The following BNC2 variants were observed in gnomAD, a reference collection of about 807,000 sequenced individuals.
BNC2 encodes the protein basonuclin zinc finger protein 2, also known as zinc finger protein basonuclin-2.
BNC2 carries 20 observed loss-of-function variants against 76.3 expected under a neutral mutation model. That is an observed-to-expected ratio of 0.26 (90% CI 0.18 to 0.38). The LOEUF (loss-of-function observed/expected upper bound fraction) is 0.38, where lower values mean the gene tolerates loss of function less well. Among genes scored for constraint, BNC2 ranks in the 10% least tolerant of loss-of-function variants. The pLI is 1.00. For missense variants in BNC2, 1,382 were observed against 1,399.8 expected, an observed-to-expected ratio of 0.99 and a Z score of 0.20; for synonymous variants, 582 against 514.8, an observed-to-expected ratio of 1.13 and a Z score of -1.77.
At chr9:16,724,146 G>T (rs1388674147) in intron 3 of BNC2, among the ~76,000 whole-genome samples, 1 of 151,814 alleles carries the variant, frequency 6.6e-6, no homozygotes, top group Non-Finnish European at 1.5e-5. Context: ...AATAATAAAA[G>T]GTAAATGTCT....
chr9:16,822,387 G>C (rs918275941), intron 1 of BNC2, among the ~76,000 whole-genome samples: 2 of 152,090 alleles, frequency 1.3e-5, no homozygotes, highest in South Asian at 2.1e-4. Context: ...ACTTGCCCAC[G>C]GTCAGAGATC....
chr9:16,615,704 T>C (rs1820677149), intron 3 of BNC2, among the ~76,000 whole-genome samples: 2 of 152,212 alleles, frequency 1.3e-5, no homozygotes, highest in South Asian at 4.1e-4. Context: ...ACATAAAATT[T>C]ATATTAAATA....
At chr9:16,611,807 T>C (rs543895255) in intron 3 of BNC2, among the ~76,000 whole-genome samples, 23 of 136,282 alleles carry the variant, frequency 1.7e-4, no homozygotes, top group Non-Finnish European at 3.3e-4. Flanking sequence ...ACCTGCAGAG[T>C]AAAGGAACAA....
At chr9:16,617,292 T>C (rs891930515) in intron 3 of BNC2, among the ~76,000 whole-genome samples, 3 of 152,290 alleles carry the variant, frequency 2.0e-5, no homozygotes, top group African/African-American at 2.4e-5. Flanking sequence ...CACATGTAAA[T>C]TGAAAATTAA....
Position 16,412,752 on chromosome 9 carries a change from A to G in BNC2, c.*6237T>C, listed in dbSNP as rs1317277982. On this transcript the variant is annotated 3_prime_UTR_variant, in exon 7 of 7. Coordinates refer to ENST00000380672, the MANE Select transcript of BNC2 (RefSeq NM_017637.6). ...GAGAGAGAGAGAGAGAGAGAGAGAG[A>G]GAGAGAGAGAGAGACTGACTGATTG... is the stretch of plus-strand genomic sequence containing the variant. 1 of 133,604 alleles carries G rather than the reference A, an allele frequency of 7.5e-6. No homozygotes were observed. Among genetic ancestry groups the G allele is most frequent in the Non-Finnish European group, 1.6e-5 (1 of 64,154 alleles). The allele number at this position is 133,604 out of a possible 1,614,324, so 8.3% of individuals were successfully genotyped here. A position where few individuals can be genotyped will look rare whatever the true frequency, so the allele number is the denominator to read the frequency against.
chr9:16,669,116 G>A (rs12344619), intron 3 of BNC2, among the ~76,000 whole-genome samples: 7,644 of 152,236 alleles, frequency 0.05, 238 homozygotes, highest in East Asian at 0.1. Context: ...CAGCCACTCA[G>A]AAACCACATT....
chr9:16,609,083 G>A (rs1415577643), intron 3 of BNC2, among the ~76,000 whole-genome samples: 2 of 152,086 alleles, frequency 1.3e-5, no homozygotes, highest in Non-Finnish European at 2.9e-5. Context: ...TGAATGAAAG[G>A]GGATACAGCA....
chr9:16,630,949 G>C (rs1821145052), intron 3 of BNC2, among the ~76,000 whole-genome samples: 1 of 151,994 alleles, frequency 6.6e-6, no homozygotes, highest in Non-Finnish European at 1.5e-5. Flanking sequence ...ACGTTGGTCA[G>C]GCTGGTCTCG....
At chr9:16,639,075 A>AT (rs1194016408) in intron 3 of BNC2, among the ~76,000 whole-genome samples, 1 of 152,152 alleles carries the variant, frequency 6.6e-6, no homozygotes, top group Non-Finnish European at 1.5e-5. Context: ...GTAATAGGCT[A>AT]TTTTCCCTCA....
intron 6 of BNC2, among the ~76,000 whole-genome samples, chr9:16,426,502 G>A (rs1383498709): frequency 1.3e-5 from 2 of 152,118 alleles, no homozygotes; most frequent in Non-Finnish European, 2.9e-5. Flanking sequence ...AAAGGTAACA[G>A]TCAGGATGCA....
At chr9:16,869,768 AG>A (rs1402179273) in intron 1 of BNC2, among the ~76,000 whole-genome samples, 1 of 152,154 alleles carries the variant, frequency 6.6e-6, no homozygotes, top group Non-Finnish European at 1.5e-5. Context: ...CTTCTCGTAG[AG>A]GGGCTGTGCT....
intron 5 of BNC2, among the ~76,000 whole-genome samples, chr9:16,474,605 T>C (rs903868248): frequency 1.3e-5 from 2 of 152,218 alleles, no homozygotes; most frequent in African/African-American, 4.8e-5. Context: ...TTAATACACA[T>C]ACTGAGAATA....
chr9:16,438,624 A>T (rs536037582), intron 5 of BNC2, among the ~76,000 whole-genome samples: 3 of 152,180 alleles, frequency 2.0e-5, no homozygotes, highest in Admixed American at 6.5e-5. Flanking sequence ...TCCCATTGGG[A>T]CAGCACACTT....
chr9:16,781,447 A>G (rs1039396709), intron 1 of BNC2, among the ~76,000 whole-genome samples: 4 of 152,158 alleles, frequency 2.6e-5, no homozygotes, highest in Admixed American at 2.0e-4. Flanking sequence ...GGTTCAAGCA[A>G]TTCTCCTGCC....
At chr9:16,471,387 G>A (rs539738435) in intron 5 of BNC2, among the ~76,000 whole-genome samples, 21 of 151,422 alleles carry the variant, frequency 1.4e-4, no homozygotes, top group South Asian at 4.2e-4. Context: ...CCCGCCTCCC[G>A]GATTCAAGCG....
intron 1 of BNC2, among the ~76,000 whole-genome samples, chr9:16,856,058 T>C (rs1476419909): frequency 1.3e-5 from 2 of 152,174 alleles, no homozygotes; most frequent in Non-Finnish European, 2.9e-5. Flanking sequence ...ATCCATGCCA[T>C]CCATAAATAT....
intron 4 of BNC2, among the ~76,000 whole-genome samples, chr9:16,556,931 T>C (rs56218971): frequency 0.065 from 9,854 of 152,180 alleles, 383 homozygotes; most frequent in Middle Eastern, 0.12. Context: ...GAAGTATCCA[T>C]GGAACTATGA....
At chr9:16,847,370 G>C (rs115746862) in intron 1 of BNC2, among the ~76,000 whole-genome samples, 1,896 of 123,758 alleles carry the variant, frequency 0.015, 62 homozygotes, top group African/African-American at 0.056. Context: ...ATTTTGATTT[G>C]TTTAAACATC....
rs751893163 is a variant in BNC2 at position 16,417,335 on chromosome 9, G to A, written c.*1654C>T. The A allele has an allele frequency of 2.0e-5, 3 of 152,502 alleles. No individual in the cohort carries two copies. The highest frequency in any genetic ancestry group is 1.3e-4 in the Admixed American group (2 of 15,282). 9.4% of individuals were successfully genotyped at this position (152,502 alleles called of 1,614,324 possible). ...AAACAAAACAAAACAAAAAAGGTTT[G>A]GAGAATAGTCTCTCTCCTCTTTCTC... On this transcript the variant is annotated 3_prime_UTR_variant, in exon 7 of 7. Coordinates refer to ENST00000380672, the MANE Select transcript of BNC2 (RefSeq NM_017637.6).
Sources: gnomAD v4.1 joint callset for allele counts (sites outside exome capture counted in the v4.1 genomes callset) on GRCh38, gnomAD v4.1.1 for gene constraint, MANE v1.5 for transcripts, NCBI Gene and HGNC (gene_info 2026-07-23, HGNC 2026-07-21) for gene names.